The following SERPINB10 variants were observed in gnomAD, a reference collection of about 807,000 sequenced individuals.
The protein encoded by SERPINB10 is serpin family B member 10.
A neutral mutation model predicts 39.1 loss-of-function variants in SERPINB10; 35 were observed. That is an observed-to-expected ratio of 0.90 (90% CI 0.68 to 1.19). The LOEUF is 1.19. Ranked by LOEUF, SERPINB10 falls within the 50% of genes most tolerant of loss-of-function variation. SERPINB10 has a pLI of 0.00. For missense variants in SERPINB10, 546 were observed against 460.5 expected, an observed-to-expected ratio of 1.19 and a Z score of -1.70; for synonymous variants, 190 against 158.1, an observed-to-expected ratio of 1.20 and a Z score of -1.52.
chr18:63,923,640 T>C (rs1783862659), intron 5 of SERPINB10, among the ~76,000 whole-genome samples: 1 of 151,900 alleles, frequency 6.6e-6, no homozygotes, highest in South Asian at 2.1e-4. Context: ...TTTATAACTT[T>C]GCTGGCAATT....
At chr18:63,910,447 T>C (rs1287362276) in intron 1 of SERPINB10, among the ~76,000 whole-genome samples, 1 of 151,900 alleles carries the variant, frequency 6.6e-6, no homozygotes, top group African/African-American at 2.4e-5. Context: ...TTCAATCTTT[T>C]CTCCATTCTC....
intron 3 of SERPINB10, 133 bp downstream of exon 3, chr18:63,917,654 T>G (rs2144724184): frequency 1.8e-6 from 1 of 560,848 alleles, no homozygotes; most frequent in East Asian, 3.1e-5. Flanking sequence ...TACAGAAACT[T>G]TTTTTGGAAT....
intron 5 of SERPINB10, among the ~76,000 whole-genome samples, chr18:63,923,646 C>T (rs2050161302): frequency 6.6e-6 from 1 of 151,758 alleles, no homozygotes; most frequent in South Asian, 2.1e-4. Flanking sequence ...ACTTTGCTGG[C>T]AATTATTTTA....
intron 5 of SERPINB10, among the ~76,000 whole-genome samples, chr18:63,925,722 T>A (rs1397048563): frequency 3.9e-5 from 6 of 151,996 alleles, no homozygotes; most frequent in Admixed American, 6.6e-5. Flanking sequence ...TACAGAAGAA[T>A]GATGGAAATA....
chr18:63,912,947 A>G (rs2050075398), intron 1 of SERPINB10, among the ~76,000 whole-genome samples: 1 of 151,670 alleles, frequency 6.6e-6, no homozygotes, highest in Non-Finnish European at 1.5e-5. Flanking sequence ...AATTGATTCA[A>G]TTTTGAAACA....
chr18:63,923,060 T>C (rs955603941), intron 5 of SERPINB10, among the ~76,000 whole-genome samples: 2 of 151,828 alleles, frequency 1.3e-5, no homozygotes, highest in Non-Finnish European at 2.9e-5. Flanking sequence ...TTTAAAAAAT[T>C]CTCTGTTATC....
At chr18:63,916,304 A>G (rs1280899702) in intron 2 of SERPINB10, among the ~76,000 whole-genome samples, 1 of 151,528 alleles carries the variant, frequency 6.6e-6, no homozygotes, top group Non-Finnish European at 1.5e-5. Context: ...ATATGAATAC[A>G]TATATATATG....
chr18:63,930,706 T>C (rs1367982237), intron 6 of SERPINB10, among the ~76,000 whole-genome samples: 3 of 152,210 alleles, frequency 2.0e-5, no homozygotes, highest in South Asian at 2.1e-4. Context: ...TTAAATGTTG[T>C]CAGGATTTTT....
intron 1 of SERPINB10, among the ~76,000 whole-genome samples, chr18:63,910,686 A>G (rs145835606): frequency 6.6e-6 from 1 of 152,066 alleles, no homozygotes; most frequent in East Asian, 1.9e-4. Flanking sequence ...GGTATTCCTT[A>G]TCCAATCCAA....
Position 63,930,202 on chromosome 18 carries a change from A to C in SERPINB10, c.633+15A>C. ...GAATAAACGAGGTAGGAAATTTTTA[A>C]AGATCAGTTTGGATTTTCACATGGC... On this transcript the variant is annotated intron_variant, in intron 6 of 7. Transcript: ENST00000238508. 2 of 1,611,326 alleles carry C rather than the reference A, an allele frequency of 1.2e-6. No homozygotes were observed. Among genetic ancestry groups the C allele is most frequent in the Non-Finnish European group, 1.7e-6 (2 of 1,178,902 alleles).
intron 5 of SERPINB10, among the ~76,000 whole-genome samples, chr18:63,922,031 T>G (rs1170785445): frequency 6.6e-6 from 1 of 151,950 alleles, no homozygotes; most frequent in Admixed American, 6.6e-5. Context: ...CTTTGACACT[T>G]ACCACACTGT....
chr18:63,933,341 C>A, intron 7 of SERPINB10, 138 bp downstream of exon 7: 1 of 893,244 alleles, frequency 1.1e-6, no homozygotes, highest in African/African-American at 1.7e-5. Context: ...GAAAGGTCAC[C>A]AATGTACCTT....
intron 7 of SERPINB10, among the ~76,000 whole-genome samples, chr18:63,934,051 G>A (rs1444941413): frequency 6.6e-6 from 1 of 152,124 alleles, no homozygotes; most frequent in African/African-American, 2.4e-5. Flanking sequence ...AAACCTAGAA[G>A]TGCAATTTCC....
intron 5 of SERPINB10, among the ~76,000 whole-genome samples, chr18:63,922,613 C>A (rs887791350): frequency 6.6e-6 from 1 of 151,984 alleles, no homozygotes; most frequent in Non-Finnish European, 1.5e-5. Flanking sequence ...GCCAAGAAGA[C>A]AGCTGTTGTC....
chr18:63,921,702 C>T (rs1164263228), intron 5 of SERPINB10, among the ~76,000 whole-genome samples: 2 of 151,918 alleles, frequency 1.3e-5, no homozygotes, highest in Non-Finnish European at 2.9e-5. Context: ...CATGCTGCCC[C>T]ATGACCTATG....
At chr18:63,918,348 C>T (rs553528954) in intron 4 of SERPINB10, among the ~76,000 whole-genome samples, 101 of 152,104 alleles carry the variant, frequency 6.6e-4, no homozygotes, top group African/African-American at 2.3e-3. Context: ...TGAGAATGGC[C>T]TACAAATACA....
At chr18:63,924,475 T>C (rs932269508) in intron 5 of SERPINB10, among the ~76,000 whole-genome samples, 2 of 151,970 alleles carry the variant, frequency 1.3e-5, no homozygotes, top group Non-Finnish European at 1.5e-5. Context: ...TGGCAACATA[T>C]TAAGTTGAAT....
At chr18:63,911,793 G>GA (rs1555703433) in intron 1 of SERPINB10, among the ~76,000 whole-genome samples, 1 of 151,772 alleles carries the variant, frequency 6.6e-6, no homozygotes, top group African/African-American at 2.4e-5. Flanking sequence ...ATTTAGAATA[G>GA]TTTTTCCAAT....
chr18:63,914,754 A>G (rs2050089308), intron 1 of SERPINB10, among the ~76,000 whole-genome samples: 1 of 151,914 alleles, frequency 6.6e-6, no homozygotes, highest in Admixed American at 6.6e-5. Flanking sequence ...GGATTGGGGC[A>G]CCTGTCATTT....
Sources: allele counts gnomAD v4.1 joint callset (sites outside exome capture counted in the v4.1 genomes callset), GRCh38; gene constraint gnomAD v4.1.1; transcripts MANE v1.5; gene names NCBI Gene and HGNC (gene_info 2026-07-23, HGNC 2026-07-21).